CACNA2D1: variants seen among roughly 807,000 people sequenced by gnomAD.
CACNA2D1 encodes the protein voltage-dependent calcium channel subunit alpha-2/delta-1.
A neutral mutation model predicts 171.5 loss-of-function variants in CACNA2D1; 53 were observed. That is an observed-to-expected ratio of 0.31 (90% CI 0.25 to 0.39). The LOEUF (loss-of-function observed/expected upper bound fraction) is 0.39, where lower values mean the gene tolerates loss of function less well. CACNA2D1 is among the 10% of genes least tolerant of loss of function. The pLI, the probability that CACNA2D1 is intolerant of heterozygous loss-of-function variation, is 1.00. For missense variants in CACNA2D1, 903 were observed against 1,299.8 expected (o/e 0.69, Z 4.69); for synonymous variants, 442 against 443.1 (o/e 1.00, Z 0.03).
chr7:82,303,165 G>T (rs1813258469), intron 3 of CACNA2D1, among the ~76,000 whole-genome samples: 1 of 151,802 alleles, frequency 6.6e-6, no homozygotes, highest in African/African-American at 2.4e-5. Context: ...AGCTAATTTT[G>T]TTTTTGTATT....
At chr7:82,416,059 A>T (rs1828134988) in intron 1 of CACNA2D1, among the ~76,000 whole-genome samples, 1 of 151,918 alleles carries the variant, frequency 6.6e-6, no homozygotes, top group South Asian at 2.1e-4. Flanking sequence ...TACTAAAAAT[A>T]CAAAAATTAG....
intron 3 of CACNA2D1, among the ~76,000 whole-genome samples, chr7:82,257,856 C>T (rs1449753374): frequency 2.0e-5 from 3 of 152,054 alleles, no homozygotes; most frequent in Non-Finnish European, 4.4e-5. Context: ...AGGTTTTAAT[C>T]ATATTTATTT....
chr7:82,174,228 T>A (rs983161301), intron 3 of CACNA2D1, among the ~76,000 whole-genome samples: 6 of 151,626 alleles, frequency 4.0e-5, no homozygotes, highest in African/African-American at 4.8e-5. Context: ...TAATATAGTA[T>A]CAGACCTTAA....
At chr7:82,057,058 T>C (rs1172961058) in intron 10 of CACNA2D1, among the ~76,000 whole-genome samples, 1 of 152,182 alleles carries the variant, frequency 6.6e-6, no homozygotes, top group African/African-American at 2.4e-5. Flanking sequence ...GATTTGGGGA[T>C]GTTGTCTTCA....
intron 10 of CACNA2D1, chr7:82,050,867 A>AAACT: frequency 2.2e-6 from 1 of 444,904 alleles, no homozygotes; most frequent in South Asian, 2.4e-5. Flanking sequence ...TAAGATAAGG[A>AAACT]AACTGACAGA....
chr7:81,981,168 TG>T (rs1382236193), intron 24 of CACNA2D1, among the ~76,000 whole-genome samples: 2 of 152,182 alleles, frequency 1.3e-5, no homozygotes, highest in Admixed American at 6.6e-5. Context: ...GCTTGTGGTC[TG>T]AATGCAGTCT....
At chr7:82,146,863 G>A (rs1230037121) in intron 4 of CACNA2D1, among the ~76,000 whole-genome samples, 3 of 151,212 alleles carry the variant, frequency 2.0e-5, no homozygotes, top group Non-Finnish European at 4.4e-5. Flanking sequence ...GCACACACCT[G>A]TAATCCCAGC....
rs1260077442 is a variant in CACNA2D1 at position 82,281,081 on chromosome 7, T to C, written c.294+54054A>G. On this transcript the variant is annotated intron_variant, in intron 3 of 38. Coordinates refer to ENST00000356860, the MANE Select transcript of CACNA2D1 (RefSeq NM_000722.4). ...ATGTAAAGTGTGATTCAGTGTTAGT[T>C]GACTGACCACCTCCACATCAGCATC... Among the ~76,000 whole-genome samples, 4 of 152,174 alleles carry C rather than the reference T, an allele frequency of 2.6e-5. No homozygotes were observed. The East Asian group carries it at 7.7e-4, about 29-fold the overall frequency.
chr7:82,226,277 C>T (rs974221042), intron 3 of CACNA2D1, among the ~76,000 whole-genome samples: 1 of 152,116 alleles, frequency 6.6e-6, no homozygotes, highest in African/African-American at 2.4e-5. Context: ...GCTCTATAGC[C>T]ACCATTTATT....
intron 3 of CACNA2D1, among the ~76,000 whole-genome samples, chr7:82,236,673 A>G (rs1033078851): frequency 2.0e-5 from 3 of 152,106 alleles, no homozygotes; most frequent in African/African-American, 7.2e-5. Context: ...AGCTATTAAA[A>G]GCTTTTGTCC....
At chr7:82,041,027 C>T (rs1295125862) in intron 10 of CACNA2D1, among the ~76,000 whole-genome samples, 2 of 121,850 alleles carry the variant, frequency 1.6e-5, no homozygotes, top group Non-Finnish European at 3.4e-5. Flanking sequence ...TGAACTCATC[C>T]ACATTATGTA....
intron 4 of CACNA2D1, among the ~76,000 whole-genome samples, chr7:82,154,993 G>A (rs1794233280): frequency 6.6e-6 from 1 of 152,046 alleles, no homozygotes; most frequent in Non-Finnish European, 1.5e-5. Context: ...TCTCCTTGGT[G>A]CTGTACTCAT....
intron 21 of CACNA2D1, among the ~76,000 whole-genome samples, chr7:81,986,438 T>C (rs1280279892): frequency 6.6e-6 from 1 of 152,070 alleles, no homozygotes; most frequent in East Asian, 1.9e-4. Flanking sequence ...AAGCCTCACG[T>C]AGCCCCAGTT....
chr7:82,262,521 A>T (rs757579583), intron 3 of CACNA2D1, among the ~76,000 whole-genome samples: 6 of 152,240 alleles, frequency 3.9e-5, no homozygotes, highest in Non-Finnish European at 7.3e-5. Flanking sequence ...ATTGCCGCCA[A>T]CTAAAAAAAA....
intron 3 of CACNA2D1, among the ~76,000 whole-genome samples, chr7:82,300,343 T>A (rs529543087): frequency 3.3e-5 from 5 of 152,050 alleles, no homozygotes; most frequent in African/African-American, 1.2e-4. Context: ...GAAGGACTCA[T>A]AGCCCTTAAT....
At chr7:82,156,838 G>A (rs1360608709) in intron 4 of CACNA2D1, among the ~76,000 whole-genome samples, 1 of 152,040 alleles carries the variant, frequency 6.6e-6, no homozygotes, top group Non-Finnish European at 1.5e-5. Context: ...TGTCATGAAA[G>A]TTGCTTAAAT....
At position 81,947,056 on chromosome 7, in the gene CACNA2D1, C is replaced by G. The variant is rs1392725903; in HGVS notation, c.*3336G>C. 2 of 151,908 alleles carry G rather than the reference C, an allele frequency of 1.3e-5. No individual in the cohort carries two copies. Among genetic ancestry groups the G allele is most frequent in the Non-Finnish European group, 1.5e-5 (1 of 67,910 alleles). 9.4% of individuals were successfully genotyped at this position (151,908 alleles called of 1,614,324 possible). On this transcript the variant is annotated 3_prime_UTR_variant, in exon 39 of 39. Coordinates refer to ENST00000356860, the MANE Select transcript of CACNA2D1 (RefSeq NM_000722.4). ...CAACATCCATTTTGTTTCACTAGGT[C>G]AGACTATACCATTAAACATTTGAAC...
In CACNA2D1 at chr7:82,017,697, T is replaced by C. The variant is rs930874836; in HGVS notation, c.1144-3218A>G. Among the ~76,000 whole-genome samples, 4 of 152,238 alleles carry C rather than the reference T, an allele frequency of 2.6e-5. No homozygotes were observed. In the East Asian group the frequency reaches 7.7e-4, roughly 29 times the overall value. On this transcript the variant is annotated intron_variant, in intron 12 of 38. Coordinates refer to ENST00000356860, the MANE Select transcript of CACNA2D1 (RefSeq NM_000722.4). ...AAATAAAGTGATTCCTTGAAATATG[T>C]ACAATTTAAAACTTAAGGTAAATTA...
At chr7:82,152,458 A>G (rs1362397265) in intron 4 of CACNA2D1, among the ~76,000 whole-genome samples, 1 of 152,028 alleles carries the variant, frequency 6.6e-6, no homozygotes, top group Non-Finnish European at 1.5e-5. Context: ...CTTTCTAGTA[A>G]AAGTATGTTC....
Sources: allele counts gnomAD v4.1 joint callset (sites outside exome capture counted in the v4.1 genomes callset), GRCh38; gene constraint gnomAD v4.1.1; transcripts MANE v1.5; gene names NCBI Gene and HGNC (gene_info 2026-07-23, HGNC 2026-07-21).